The following PCDHGB5 variants were observed in gnomAD, a reference collection of about 807,000 sequenced individuals.
PCDHGB5 encodes the protein protocadherin gamma-B5.
PCDHGB5 carries 48 observed loss-of-function variants against 62.9 expected under a neutral mutation model. That is an observed-to-expected ratio of 0.76 (90% CI 0.61 to 0.97). The LOEUF (loss-of-function observed/expected upper bound fraction) is 0.97. PCDHGB5 is among the 50% of genes least tolerant of loss of function. The pLI is 0.00. For synonymous variants in PCDHGB5, 474 were observed against 511.2 expected (o/e 0.93, Z 0.98); for missense variants, 1,118 against 1,198.6 (o/e 0.93, Z 0.99).
At position 141,399,969 on chromosome 5, in the gene PCDHGB5, C is replaced by T. The variant is rs1371912218; in HGVS notation, c.1842C>T (p.Ser614=). 2 of 1,612,194 alleles carry T rather than the reference C, an allele frequency of 1.2e-6. No individual in the cohort carries two copies. The highest frequency in any genetic ancestry group is 2.2e-5 in the South Asian group (2 of 90,994). Residue 614 remains serine, a synonymous_variant, in exon 1 of 4, where the codon AGC becomes AGT. Transcript: ENST00000617380. ...VLQASEPGLF[S]LGLRTGEVRT... is the part of the protein sequence containing the mutation. ...AGGCTAGCGAGCCCGGGCTCTTCAGCCTGGGGCTGCGCACAGGAGAGGTGC... is the reference window on the plus strand; with the variant it reads ...AGGCTAGCGAGCCCGGGCTCTTCAGTCTGGGGCTGCGCACAGGAGAGGTGC...
intron 1 of PCDHGB5, among the ~76,000 whole-genome samples, chr5:141,443,369 C>T (rs1403494558): frequency 6.6e-6 from 1 of 151,848 alleles, no homozygotes; most frequent in African/African-American, 2.4e-5. Context: ...CCTGTGGTCT[C>T]AGCTACTTGG....
chr5:141,469,756 A>G (rs2099210350), intron 1 of PCDHGB5, among the ~76,000 whole-genome samples: 1 of 152,252 alleles, frequency 6.6e-6, no homozygotes. Context: ...ACAAAAATAC[A>G]TATATACCAG....
chr5:141,426,879 G>T, intron 1 of PCDHGB5: 1 of 456,710 alleles, frequency 2.2e-6, no homozygotes. Flanking sequence ...GAAGCCCCTG[G>T]GCCAGGAGCA....
chr5:141,477,211 C>G lies in PCDHGB5; in HGVS notation c.2398-17596C>G. 2 of 1,614,154 alleles carry G rather than the reference C, an allele frequency of 1.2e-6. No individual in the cohort carries two copies. Among genetic ancestry groups the G allele is most frequent in the Non-Finnish European group, 1.7e-6 (2 of 1,180,036 alleles). On this transcript the variant is annotated intron_variant, in intron 1 of 3. Transcript: ENST00000617380. The surrounding 1 kb of genome is among the most constrained non-coding windows in gnomAD (Gnocchi z 4.9). ...TGTACAGCCCAGTACCCGAGGATGC[C>G]CCTCTGGGGACTGTCATCGCTTTGC...
intron 2 of PCDHGB5, among the ~76,000 whole-genome samples, chr5:141,500,189 TTTATTTA>T (rs1562193869): frequency 4.5e-5 from 5 of 110,894 alleles, no homozygotes; most frequent in African/African-American, 1.8e-4. Context: ...TTTATTTTTA[TTTATTTA>T]TTTATTTATT....
chr5:141,423,462 C>G, intron 1 of PCDHGB5: 1 of 1,613,924 alleles, frequency 6.2e-7, no homozygotes, highest in Non-Finnish European at 8.5e-7. Flanking sequence ...TAGGCGTGGA[C>G]GGGGTACAGG....
At chr5:141,465,768 C>T (rs1414064889) in intron 1 of PCDHGB5, among the ~76,000 whole-genome samples, 1 of 151,916 alleles carries the variant, frequency 6.6e-6, no homozygotes, top group Non-Finnish European at 1.5e-5. Flanking sequence ...CATGTTTCAT[C>T]TCTTGTTACA....
At chr5:141,421,717 G>T in intron 1 of PCDHGB5, 2 of 1,613,932 alleles carry the variant, frequency 1.2e-6, no homozygotes, top group East Asian at 4.5e-5. Context: ...TCCAGATGTG[G>T]GCGTGAACTC....
In PCDHGB5 at chr5:141,427,967, G is replaced by A. The variant is rs535332244; in HGVS notation, c.2397+27443G>A. On this transcript the variant is annotated intron_variant, in intron 1 of 3. Coordinates refer to ENST00000617380, the MANE Select transcript of PCDHGB5 (RefSeq NM_018925.3). The stretch of plus-strand genomic sequence containing the variant: ...TCAATGACAATGTGCCGCGGGTGCT[G>A]TACCCCGCGCTGGGGCCCGATGGCT... 10 of 1,591,190 alleles carry A rather than the reference G, an allele frequency of 6.3e-6. No individual in the cohort carries two copies. In the East Asian group the frequency reaches 8.9e-5, roughly 14 times the overall value.
chr5:141,426,317 C>A, intron 1 of PCDHGB5: 1 of 173,952 alleles, frequency 5.7e-6, no homozygotes, highest in African/African-American at 2.4e-5. Flanking sequence ...AGAAGCAGGA[C>A]CCGGCAGTGG....
At chr5:141,457,111 G>T (rs922281700) in intron 1 of PCDHGB5, among the ~76,000 whole-genome samples, 1 of 152,120 alleles carries the variant, frequency 6.6e-6, no homozygotes, top group African/African-American at 2.4e-5. Context: ...AGCAAAATAC[G>T]ACAGCAATGG....
At chr5:141,464,838 A>G (rs2099091245) in intron 1 of PCDHGB5, among the ~76,000 whole-genome samples, 1 of 152,182 alleles carries the variant, frequency 6.6e-6, no homozygotes, top group African/African-American at 2.4e-5. Context: ...TCCTGGGCTC[A>G]AGCAATCCTC....
At chr5:141,426,919 C>A (rs1220443930) in intron 1 of PCDHGB5, 3 of 456,620 alleles carry the variant, frequency 6.6e-6, no homozygotes, top group African/African-American at 6.0e-5. Context: ...GTCCTGGAAG[C>A]AATGGACATG....
intron 1 of PCDHGB5, chr5:141,468,632 C>G (rs1385644482): frequency 6.6e-6 from 1 of 151,628 alleles, no homozygotes; most frequent in Non-Finnish European, 1.5e-5. Context: ...TTTGGGAGGC[C>G]GAGGTGGGCG....
Position 141,415,384 on chromosome 5 carries a change from A to G in PCDHGB5, c.2397+14860A>G, listed in dbSNP as rs767664633. ...GCTGCAGGCTTCAGGAGGCGGCTTG[A>G]CAGGTGTGTCCGGCTCGCACTTTGT... On this transcript the variant is annotated intron_variant, in intron 1 of 3. Coordinates refer to ENST00000617380, the MANE Select transcript of PCDHGB5 (RefSeq NM_018925.3). 9.3e-6 allele frequency: 15 copies of G among 1,614,156 alleles called. No homozygotes were observed. The East Asian group carries it at 2.2e-4, about 24-fold the overall frequency.
At chr5:141,404,238 C>T (rs764561008) in intron 1 of PCDHGB5, 3 of 1,613,712 alleles carry the variant, frequency 1.9e-6, no homozygotes, top group Non-Finnish European at 2.5e-6. Context: ...GACAGAGGAA[C>T]TCCGCCCCTG....
chr5:141,460,091 A>G (rs2098981847), intron 1 of PCDHGB5, among the ~76,000 whole-genome samples: 1 of 152,002 alleles, frequency 6.6e-6, no homozygotes, highest in Non-Finnish European at 1.5e-5. Flanking sequence ...AATAATAATT[A>G]TACATGTAAT....
chr5:141,433,168 T>A, intron 1 of PCDHGB5: 6 of 1,613,438 alleles, frequency 3.7e-6, no homozygotes, highest in Non-Finnish European at 3.4e-6. Context: ...CTAAAGACAG[T>A]CATGGGTTAA....
chr5:141,491,763 T>C lies in PCDHGB5; in HGVS notation c.2398-3044T>C. 1 of 1,570,222 alleles carries C rather than the reference T, an allele frequency of 6.4e-7. No homozygotes were observed. Among genetic ancestry groups the C allele is most frequent in the Non-Finnish European group, 8.6e-7 (1 of 1,159,286 alleles). Reference sequence around the variant, plus strand: ...GCGGCACTGGAGAAGCCGCCCGTCCTCATAAGGGATTGAACTTGCATCCAC... The same window carrying C: ...GCGGCACTGGAGAAGCCGCCCGTCCCCATAAGGGATTGAACTTGCATCCAC... On this transcript the variant is annotated intron_variant, in intron 1 of 3. Coordinates refer to ENST00000617380, the MANE Select transcript of PCDHGB5 (RefSeq NM_018925.3). The surrounding 1 kb of genome is among the most constrained non-coding windows in gnomAD (Gnocchi z 6.9).
Sources: gnomAD v4.1 joint callset for allele counts (sites outside exome capture counted in the v4.1 genomes callset) on GRCh38, gnomAD v4.1.1 for gene constraint, Gnocchi (gnomAD v3.1) non-coding constraint, MANE v1.5 for transcripts, NCBI Gene and HGNC (gene_info 2026-07-23, HGNC 2026-07-21) for gene names.